Variants in CTNNA2 observed in about 807,000 individuals in gnomAD.
CTNNA2 encodes catenin alpha-2.
A neutral mutation model predicts 101.0 loss-of-function variants in CTNNA2; 42 were observed. The observed-to-expected ratio is 0.42, with a 90% confidence interval of 0.32 to 0.54. The LOEUF is 0.54. Among genes scored for constraint, CTNNA2 ranks in the 20% least tolerant of loss-of-function variants. The probability of loss-of-function intolerance (pLI) is 0.14; values close to 1 mark genes in which losing one functional copy is unlikely to be tolerated. For missense variants in CTNNA2, 871 were observed against 1,223.1 expected, an observed-to-expected ratio of 0.71 and a Z score of 4.29; for synonymous variants, 450 against 456.4, an observed-to-expected ratio of 0.99 and a Z score of 0.18.
At chr2:80,644,551 G>T (rs1019508350) in intron 18 of CTNNA2, among the ~76,000 whole-genome samples, 2 of 152,138 alleles carry the variant, frequency 1.3e-5, no homozygotes, top group Non-Finnish European at 2.9e-5. Context: ...TCTTGGAAAG[G>T]CATAAAGAAA....
intron 13 of CTNNA2, among the ~76,000 whole-genome samples, chr2:80,576,698 TG>T (rs1249801754): frequency 6.6e-6 from 1 of 151,324 alleles, no homozygotes; most frequent in Non-Finnish European, 1.5e-5. Context: ...TAATATGTAT[TG>T]TTTTTTGGGG....
In CTNNA2 at chr2:79,767,295, T is replaced by A. The variant is rs539830983; in HGVS notation, c.298+22713T>A. Among the ~76,000 whole-genome samples, 5 of 152,256 alleles carry A rather than the reference T, an allele frequency of 3.3e-5. 1 individual carries two copies. In the South Asian group the frequency reaches 1.0e-3, roughly 32 times the overall value. On this transcript the variant is annotated intron_variant, in intron 3 of 18. Transcript: ENST00000402739. ...TTGCATTTCCTCAACACAGCTATTT[T>A]GAATTATCTGTCTGAGGGGTCACAT...
In CTNNA2 at chr2:80,589,229, G is replaced by A. The variant is rs1385363561; in HGVS notation, c.2008-75G>A. On this transcript the variant is annotated intron_variant, in intron 14 of 18. Coordinates refer to ENST00000402739, the MANE Select transcript of CTNNA2 (RefSeq NM_001282597.3). ...TTTGCAGGGTCTGGCTCTGCCATCC[G>A]CAGAAGGCAGAGTCAACATACGGTC... 2.2e-5 allele frequency: 33 copies of A among 1,466,820 alleles called. 1 individual carries two copies. Among genetic ancestry groups the A allele is most frequent in the Admixed American group, 5.4e-5 (3 of 55,068 alleles). 90.9% of individuals were successfully genotyped at this position (1,466,820 alleles called of 1,614,324 possible).
At position 79,465,308 on chromosome 2, in the gene CTNNA2, A is replaced by G. The variant is rs556968618; in HGVS notation, c.-134-39746A>G. On this transcript the variant is annotated intron_variant, in intron 4 of 21. Transcript: ENST00000466387. ...CAGATGGTTGTAGATGTGTCATATT[A>G]TTTTTGAGGGCTCTGTTCTGTTCCA... Among the ~76,000 whole-genome samples the G allele has an allele frequency of 5.8e-4, 88 of 152,162 alleles. 1 individual carries two copies. The South Asian group carries it at 0.017, about 30-fold the overall frequency.
intron 4 of CTNNA2, among the ~76,000 whole-genome samples, chr2:79,471,851 A>G (rs1423761918): frequency 1.3e-5 from 2 of 151,984 alleles, no homozygotes; most frequent in African/African-American, 4.8e-5. Flanking sequence ...AAACAAAAAA[A>G]AAAGATTTTA....
intron 2 of CTNNA2, among the ~76,000 whole-genome samples, chr2:79,718,683 C>T (rs771136907): frequency 1.3e-5 from 2 of 152,122 alleles, no homozygotes; most frequent in Non-Finnish European, 2.9e-5. Context: ...ATATACACAT[C>T]GAAAGAGTAG....
intron 7 of CTNNA2, among the ~76,000 whole-genome samples, chr2:80,290,495 T>A (rs1236452580): frequency 2.0e-5 from 3 of 152,006 alleles, no homozygotes; most frequent in African/African-American, 7.2e-5. Context: ...TGCTTTTACT[T>A]TTTGCTGTTT....
intron 2 of CTNNA2, among the ~76,000 whole-genome samples, chr2:79,743,184 A>AAAG (rs1671415022): frequency 6.6e-6 from 1 of 152,140 alleles, no homozygotes; most frequent in African/African-American, 2.4e-5. Flanking sequence ...ATAAAAAAAA[A>AAAG]ATACAGCAGT....
intron 9 of CTNNA2, among the ~76,000 whole-genome samples, chr2:80,510,832 C>T (rs1030774254): frequency 3.9e-5 from 6 of 152,126 alleles, no homozygotes; most frequent in Non-Finnish European, 7.4e-5. Context: ...TAAATGGTCA[C>T]GTGTGTCCTC....
chr2:80,069,765 A>C (rs1698211886), intron 7 of CTNNA2, among the ~76,000 whole-genome samples: 1 of 152,214 alleles, frequency 6.6e-6, no homozygotes, highest in East Asian at 1.9e-4. Context: ...TGTCAGTGAC[A>C]GTCCTCCTTT....
intron 4 of CTNNA2, among the ~76,000 whole-genome samples, chr2:79,859,308 A>G (rs1368919): frequency 0.45 from 68,213 of 151,862 alleles, 15,653 homozygotes; most frequent in East Asian, 0.74. Context: ...AATGAATAAC[A>G]AGAGCGTGCT....
chr2:79,961,518 G>A (rs1689622873), intron 7 of CTNNA2, among the ~76,000 whole-genome samples: 2 of 152,264 alleles, frequency 1.3e-5, no homozygotes, highest in East Asian at 1.9e-4. Context: ...AAAAGTAGGC[G>A]AGGTCTACCT....
intron 2 of CTNNA2, among the ~76,000 whole-genome samples, chr2:79,660,044 T>C (rs1285727030): frequency 6.6e-6 from 1 of 152,196 alleles, no homozygotes; most frequent in African/African-American, 2.4e-5. Flanking sequence ...TTAAGTATCA[T>C]AAGTTTATTG....
At position 80,398,821 on chromosome 2, in the gene CTNNA2, C is replaced by A. The variant is rs551362523; in HGVS notation, c.1137+5530C>A. 6.0e-5 allele frequency among the ~76,000 whole-genome samples: 9 copies of A among 149,932 alleles called. No homozygotes were observed. In the South Asian group the frequency reaches 2.0e-3, roughly 33 times the overall value. On this transcript the variant is annotated intron_variant, in intron 8 of 18. Transcript: ENST00000402739. ...GGTGGAGGTTGCAGTGAGTTGAGAT[C>A]ACACCCCTGCACTGCAGCCTGGGTA...
intron 1 of CTNNA2, among the ~76,000 whole-genome samples, chr2:79,564,338 C>T (rs1345905135): frequency 6.6e-6 from 1 of 151,126 alleles, no homozygotes; most frequent in African/African-American, 2.4e-5. Flanking sequence ...ATGGGAAACT[C>T]AGGTCCTAAC....
chr2:79,198,896 A>T (rs1673996831), intron 2 of CTNNA2, among the ~76,000 whole-genome samples: 2 of 152,062 alleles, frequency 1.3e-5, no homozygotes, highest in African/African-American at 4.8e-5. Context: ...TATTTAACTT[A>T]TTCATGAGGA....
intron 1 of CTNNA2, among the ~76,000 whole-genome samples, chr2:79,535,879 G>A (rs67690279): frequency 0.12 from 18,177 of 152,136 alleles, 1,193 homozygotes; most frequent in African/African-American, 0.16. Context: ...TGAAAAAAAT[G>A]CCAGCCCAAT....
chr2:79,284,644 C>A (rs1449533505), intron 2 of CTNNA2, among the ~76,000 whole-genome samples: 1 of 149,224 alleles, frequency 6.7e-6, no homozygotes, highest in East Asian at 2.0e-4. Flanking sequence ...TTTTGATGTG[C>A]TGCTGGATTC....
intron 7 of CTNNA2, among the ~76,000 whole-genome samples, chr2:80,095,747 G>A (rs956096409): frequency 4.6e-5 from 7 of 151,906 alleles, no homozygotes; most frequent in African/African-American, 7.2e-5. Flanking sequence ...TGTATGTGTC[G>A]AGGAATTTAT....
Sources: allele counts gnomAD v4.1 joint callset (sites outside exome capture counted in the v4.1 genomes callset), GRCh38; gene constraint gnomAD v4.1.1; transcripts MANE v1.5; gene names NCBI Gene and HGNC (gene_info 2026-07-23, HGNC 2026-07-21).